TSGA10: variants seen among roughly 807,000 people sequenced by gnomAD.
TSGA10 encodes the protein testis specific 10.
In TSGA10, 43 loss-of-function variants were observed where a neutral mutation model predicts 96.6. That is an observed-to-expected ratio of 0.44 (90% CI 0.35 to 0.57). The LOEUF is 0.57. TSGA10 is among the 20% of genes least tolerant of loss of function. The probability of loss-of-function intolerance (pLI) is 0.01; values close to 1 mark genes in which losing one functional copy is unlikely to be tolerated. For synonymous variants in TSGA10, 229 were observed against 269.9 expected (o/e 0.85, Z 1.48); for missense variants, 703 against 834.4 (o/e 0.84, Z 1.94).
chr2:99,047,862 C>A (rs1350384089), intron 16 of TSGA10, among the ~76,000 whole-genome samples: 1 of 152,170 alleles, frequency 6.6e-6, no homozygotes, highest in African/African-American at 2.4e-5. Context: ...TGATAAGCAA[C>A]TTCAGCAAAG....
intron 1 of TSGA10, among the ~76,000 whole-genome samples, chr2:99,140,148 T>G (rs1035565460): frequency 1.3e-5 from 2 of 152,228 alleles, no homozygotes; most frequent in Non-Finnish European, 2.9e-5. Context: ...GATTTAAAAT[T>G]AATATTTAAT....
intron 1 of TSGA10, among the ~76,000 whole-genome samples, chr2:99,153,225 T>C (rs893299875): frequency 6.6e-5 from 10 of 152,188 alleles, no homozygotes; most frequent in Non-Finnish European, 5.9e-5. Flanking sequence ...AATATGAATG[T>C]CACCCGTGAC....
At chr2:99,000,860 C>A (rs1321997388) in intron 20 of TSGA10, among the ~76,000 whole-genome samples, 1 of 152,092 alleles carries the variant, frequency 6.6e-6, no homozygotes, top group Admixed American at 6.5e-5. Flanking sequence ...ACCCATGGAC[C>A]CTGCTTACTG....
At chr2:99,094,128 G>C (rs2089716569) in intron 10 of TSGA10, among the ~76,000 whole-genome samples, 1 of 152,082 alleles carries the variant, frequency 6.6e-6, no homozygotes, top group African/African-American at 2.4e-5. Context: ...CTTCGACAAA[G>C]CAAACAAAAA....
chr2:99,076,272 T>C (rs1296757050), intron 12 of TSGA10, among the ~76,000 whole-genome samples: 1 of 152,216 alleles, frequency 6.6e-6, no homozygotes, highest in Non-Finnish European at 1.5e-5. Flanking sequence ...TTTCTCTCAC[T>C]GATACTCCTA....
At chr2:99,113,884 A>C (rs1289296278) in intron 4 of TSGA10, among the ~76,000 whole-genome samples, 1 of 152,194 alleles carries the variant, frequency 6.6e-6, no homozygotes, top group Non-Finnish European at 1.5e-5. Context: ...ACAGTGAACC[A>C]GAACAACCCA....
At chr2:99,151,686 G>C (rs2093695615) in intron 1 of TSGA10, among the ~76,000 whole-genome samples, 1 of 151,954 alleles carries the variant, frequency 6.6e-6, no homozygotes, top group Admixed American at 6.6e-5. Flanking sequence ...ATTTTAAATC[G>C]TGCCTTTAAA....
At chr2:99,006,694 G>T (rs550698929) in intron 20 of TSGA10, among the ~76,000 whole-genome samples, 2,353 of 152,298 alleles carry the variant, frequency 0.015, 51 homozygotes, top group African/African-American at 0.053. Flanking sequence ...TACACGGTTG[G>T]TGGGACTGTA....
chr2:99,039,007 T>C (rs969494344), intron 16 of TSGA10, among the ~76,000 whole-genome samples: 2 of 151,994 alleles, frequency 1.3e-5, no homozygotes, highest in African/African-American at 4.8e-5. Flanking sequence ...TATAAAAATA[T>C]ATGGACATTA....
chr2:99,090,048 A>G (rs905536928), intron 10 of TSGA10, among the ~76,000 whole-genome samples: 1 of 152,192 alleles, frequency 6.6e-6, no homozygotes, highest in Non-Finnish European at 1.5e-5. Flanking sequence ...AGGTGCTGCT[A>G]TCTATGGCTG....
At chr2:99,017,350 C>G (rs1393986347) in intron 20 of TSGA10, among the ~76,000 whole-genome samples, 1 of 152,184 alleles carries the variant, frequency 6.6e-6, no homozygotes, top group African/African-American at 2.4e-5. Context: ...TAATGGCATT[C>G]ATAGCAACCT....
intron 16 of TSGA10, among the ~76,000 whole-genome samples, chr2:99,045,608 G>A (rs1014101550): frequency 7.9e-5 from 12 of 152,102 alleles, no homozygotes; most frequent in African/African-American, 2.4e-5. Flanking sequence ...AGGAACAACT[G>A]GTACCAGCCA....
At position 99,109,414 on chromosome 2, in the gene TSGA10, G is replaced by A. The variant is rs1321470254; in HGVS notation, c.26C>T (p.Pro9Leu). 1 of 1,613,962 alleles carries A rather than the reference G, an allele frequency of 6.2e-7. No homozygotes were observed. The highest frequency in any genetic ancestry group is 8.5e-7 in the Non-Finnish European group (1 of 1,179,892). Residue 9 changes from proline to leucine, a missense_variant, in exon 6 of 21, where the codon CCA (proline) becomes CTA (leucine). Pro to Leu is a moderately conservative substitution (Grantham distance 98, BLOSUM62 -3). Transcript: ENST00000393483. ...CCGGGCAGTTGGTGATGGGCGTCTT[G>A]GACTTTTAGACCTACTTCGCATCAT... MMRSRSKSPRRPSPTARGA... is the reference protein window; with the variant it reads MMRSRSKSLRRPSPTARGA...
intron 16 of TSGA10, among the ~76,000 whole-genome samples, chr2:99,045,885 G>A (rs4374423): frequency 0.44 from 66,027 of 150,392 alleles, 17,006 homozygotes; most frequent in African/African-American, 0.72. Context: ...GGACGGAGGA[G>A]GAGCAAATGG....
At chr2:99,127,769 G>A (rs1026857789) in intron 1 of TSGA10, among the ~76,000 whole-genome samples, 6 of 152,076 alleles carry the variant, frequency 3.9e-5, no homozygotes, top group African/African-American at 4.8e-5. Context: ...TGGATATAGC[G>A]TCCTTACGTA....
In TSGA10 at chr2:99,088,941, G is replaced by A. The variant is rs139975636; in HGVS notation, c.612-7544C>T. Among the ~76,000 whole-genome samples the A allele has an allele frequency of 3.3e-5, 5 of 152,288 alleles. 1 individual carries two copies. In the East Asian group the frequency reaches 9.6e-4, roughly 29 times the overall value. On this transcript the variant is annotated intron_variant, in intron 10 of 20. Coordinates refer to ENST00000393483, the MANE Select transcript of TSGA10 (RefSeq NM_025244.4). The stretch of plus-strand genomic sequence containing the variant: ...CACTCAGACGAACAAAGCAGTGTGT[G>A]GAGACTCACGTTGTGAACTTTTGCT...
intron 20 of TSGA10, among the ~76,000 whole-genome samples, chr2:99,008,991 A>T (rs754481159): frequency 1.1e-4 from 17 of 152,176 alleles, no homozygotes; most frequent in Non-Finnish European, 1.9e-4. Flanking sequence ...AAAACCACAA[A>T]GAAAGGGGGT....
At position 99,102,066 on chromosome 2, in the gene TSGA10, T is replaced by C. The variant is rs1431660434; in HGVS notation, c.611+1901A>G. 9.4e-6 allele frequency: 14 copies of C among 1,481,734 alleles called. No homozygotes were observed. In the Admixed American group the frequency reaches 2.3e-4, roughly 25 times the overall value. The allele number at this position is 1,481,734 out of a possible 1,614,324, so 91.8% of individuals were successfully genotyped here. On this transcript the variant is annotated intron_variant, in intron 10 of 20. Coordinates refer to ENST00000393483, the MANE Select transcript of TSGA10 (RefSeq NM_025244.4). ...TGTTAACAAAAAGGCTTTGGATCAG[T>C]TTGTAAATTTCTCTGAGCAGAAAGA...
chr2:99,015,392 T>G (rs2079422874), intron 20 of TSGA10, among the ~76,000 whole-genome samples: 1 of 152,086 alleles, frequency 6.6e-6, no homozygotes, highest in African/African-American at 2.4e-5. Context: ...ACAAAAATCA[T>G]GTGATCATCT....
Sources: allele counts gnomAD v4.1 joint callset (sites outside exome capture counted in the v4.1 genomes callset), GRCh38; gene constraint gnomAD v4.1.1; transcripts MANE v1.5; gene names NCBI Gene and HGNC (gene_info 2026-07-23, HGNC 2026-07-21).